The following MAF variants were observed in gnomAD, a reference collection of about 807,000 sequenced individuals.
The protein encoded by MAF is MAF bZIP transcription factor, also known as transcription factor Maf.
Under a neutral mutation model 22.0 loss-of-function variants are expected in MAF, and 10 were observed. The ratio of observed to expected loss-of-function variants is 0.45; its 90% CI spans 0.28 to 0.77. The LOEUF is 0.77. Ranked by LOEUF, MAF falls within the 30% of genes least tolerant of loss-of-function variation. MAF has a pLI of 0.12. For synonymous variants in MAF, 337 were observed against 255.8 expected, an observed-to-expected ratio of 1.32 and a Z score of -3.03; for missense variants, 544 against 548.4, an observed-to-expected ratio of 0.99 and a Z score of 0.08.
the MAF span, among the ~76,000 whole-genome samples, chr16:79,418,241 T>C: frequency 3.3e-5 from 5 of 152,112 alleles, no homozygotes; most frequent in Admixed American, 1.3e-4. Context: ...CTGATAGATA[T>C]GAAAACGAGT....
chr16:79,527,639 A>AG, the MAF span, among the ~76,000 whole-genome samples: 142 of 151,612 alleles, frequency 9.4e-4, no homozygotes, highest in East Asian at 9.7e-3. Flanking sequence ...ACAATCATTA[A>AG]GGGGGGGGTC....
the MAF span, among the ~76,000 whole-genome samples, chr16:79,576,322 G>A: frequency 6.5e-4 from 98 of 150,346 alleles, no homozygotes; most frequent in South Asian, 5.3e-3. Flanking sequence ...TCCATCAGGC[G>A]ATTGATTAAA....
the MAF span, among the ~76,000 whole-genome samples, chr16:79,393,706 G>A: frequency 2.0e-5 from 3 of 152,176 alleles, no homozygotes; most frequent in Admixed American, 2.0e-4. Flanking sequence ...GGACATCGAT[G>A]CTTGGCTAGC....
rs2143797688 is a variant in MAF at position 79,598,831 on chromosome 16, C to A, written c.1072G>T (p.Glu358Ter). 1 of 1,613,862 alleles carries A rather than the reference C, an allele frequency of 6.2e-7. No homozygotes were observed. The highest frequency in any genetic ancestry group is 8.5e-7 in the Non-Finnish European group (1 of 1,179,982). The change falls in exon 1 of 2, where the codon GAA becomes TAA. Residue 358 changes from glutamate (E) to a stop codon, truncating the protein, a stop_gained. Coordinates refer to ENST00000326043, the MANE Select transcript of MAF (RefSeq NM_005360.5). LOFTEE classifies it high-confidence loss of function. Reference sequence around the variant, plus strand: ...GGGTTGTCGCTGCTCGAGCCGTTTTCTCGGAAGCCGCTGCTCACCAACTTC... The same window carrying A: ...GGGTTGTCGCTGCTCGAGCCGTTTTATCGGAAGCCGCTGCTCACCAACTTC... ...YEKLVSSGFR[E>*]NGSSSDNPSS...
At chr16:79,379,293 A>G in the MAF span, among the ~76,000 whole-genome samples, 3 of 152,232 alleles carry the variant, frequency 2.0e-5, no homozygotes, top group Non-Finnish European at 2.9e-5. Flanking sequence ...AATGCCTGCC[A>G]TGATGCTGAA....
At chr16:79,310,578 G>A in the MAF span, among the ~76,000 whole-genome samples, 7 of 152,200 alleles carry the variant, frequency 4.6e-5, no homozygotes, top group South Asian at 2.1e-4. Flanking sequence ...CACCACCACC[G>A]AGTGGGTTGA....
the MAF span, chr16:79,212,116 C>G: frequency 3.9e-6 from 6 of 1,535,456 alleles, no homozygotes; most frequent in East Asian, 1.5e-4. Flanking sequence ...CTTTCTTTTA[C>G]TGTTATAGAA....
chr16:79,523,867 A>G, the MAF span, among the ~76,000 whole-genome samples: 1 of 152,230 alleles, frequency 6.6e-6, no homozygotes, highest in Non-Finnish European at 1.5e-5. Context: ...AACAGCCTCA[A>G]TTAGATGATC....
At chr16:79,357,681 G>C in the MAF span, among the ~76,000 whole-genome samples, 4 of 152,050 alleles carry the variant, frequency 2.6e-5, no homozygotes, top group Non-Finnish European at 5.9e-5. Context: ...TCCCTAGCAG[G>C]CATTGGCACT....
the MAF span, among the ~76,000 whole-genome samples, chr16:79,357,718 C>T: frequency 1.3e-5 from 2 of 152,092 alleles, no homozygotes; most frequent in African/African-American, 4.8e-5. Flanking sequence ...AGATGCTGCC[C>T]AGGTGACTAC....
chr16:79,230,230 T>C, the MAF span, among the ~76,000 whole-genome samples: 9 of 152,256 alleles, frequency 5.9e-5, no homozygotes, highest in Admixed American at 1.3e-4. Flanking sequence ...GACGTGGTTA[T>C]GGCAAGGGAA....
the MAF span, among the ~76,000 whole-genome samples, chr16:79,343,287 G>T: frequency 6.6e-6 from 1 of 151,736 alleles, no homozygotes; most frequent in African/African-American, 2.4e-5. Context: ...TCTCTTCCTG[G>T]TTATTTCCTC....
At chr16:79,574,032 A>G in the MAF span, among the ~76,000 whole-genome samples, 19,462 of 152,250 alleles carry the variant, frequency 0.13, 1,342 homozygotes, top group African/African-American at 0.16. Flanking sequence ...ACTATGTGCT[A>G]CTCACCGATA....
chr16:79,494,678 C>T, the MAF span, among the ~76,000 whole-genome samples: 2 of 152,118 alleles, frequency 1.3e-5, no homozygotes, highest in African/African-American at 2.4e-5. Flanking sequence ...GGAGTTTTCC[C>T]ACACTAACCA....
At chr16:79,259,171 G>A in the MAF span, among the ~76,000 whole-genome samples, 2 of 152,188 alleles carry the variant, frequency 1.3e-5, no homozygotes, top group South Asian at 4.1e-4. Context: ...CAGGCCGGCT[G>A]GCTCGAATCC....
the MAF span, among the ~76,000 whole-genome samples, chr16:79,570,876 G>T: frequency 6.6e-6 from 1 of 152,196 alleles, no homozygotes; most frequent in Non-Finnish European, 1.5e-5. Flanking sequence ...AATGCTGAGC[G>T]TAAGGAGGAA....
At chr16:79,510,177 G>A in the MAF span, among the ~76,000 whole-genome samples, 1 of 152,182 alleles carries the variant, frequency 6.6e-6, no homozygotes, top group African/African-American at 2.4e-5. Flanking sequence ...TGGATTGTGA[G>A]TTAAAGGCAA....
the MAF span, among the ~76,000 whole-genome samples, chr16:79,252,498 C>T: frequency 1.3e-5 from 2 of 151,626 alleles, no homozygotes; most frequent in South Asian, 4.2e-4. Flanking sequence ...GATTTTTTTT[C>T]TTTTTTTTCG....
chr16:79,390,400 T>A, the MAF span, among the ~76,000 whole-genome samples: 1 of 152,358 alleles, frequency 6.6e-6, no homozygotes, highest in African/African-American at 2.4e-5. Flanking sequence ...TAGCTCTGGC[T>A]GACCTCTAAA....
Sources: allele counts gnomAD v4.1 joint callset (sites outside exome capture counted in the v4.1 genomes callset), GRCh38; gene constraint gnomAD v4.1.1; transcripts MANE v1.5; gene names NCBI Gene and HGNC (gene_info 2026-07-23, HGNC 2026-07-21).